TTLL1: variants seen among roughly 807,000 people sequenced by gnomAD.
The protein encoded by TTLL1 is polyglutamylase complex subunit TTLL1.
In TTLL1, 33 loss-of-function variants were observed where a neutral mutation model predicts 47.8. That is an observed-to-expected ratio of 0.69 (90% CI 0.52 to 0.92). The LOEUF (loss-of-function observed/expected upper bound fraction) is 0.92, where lower values mean the gene tolerates loss of function less well. Among genes scored for constraint, TTLL1 ranks in the 40% least tolerant of loss-of-function variants. The probability of loss-of-function intolerance (pLI) is 0.00; values close to 1 mark genes in which losing one functional copy is unlikely to be tolerated. For missense variants in TTLL1, 488 were observed against 547.5 expected (o/e 0.89, Z 1.08); for synonymous variants, 225 against 214.1 (o/e 1.05, Z -0.45).
At chr22:43,057,412 T>C (rs1173465921) in intron 8 of TTLL1, among the ~76,000 whole-genome samples, 1 of 151,990 alleles carries the variant, frequency 6.6e-6, no homozygotes, top group East Asian at 1.9e-4. Context: ...GCCCGGCCAA[T>C]TTCATACATT....
intron 10 of TTLL1, 27 bp downstream of exon 10, chr22:43,046,382 AC>A: frequency 6.2e-7 from 1 of 1,610,514 alleles, no homozygotes; most frequent in Non-Finnish European, 8.5e-7. Flanking sequence ...ACACAGAAGG[AC>A]AAGCGCACAG....
intron 7 of TTLL1, among the ~76,000 whole-genome samples, chr22:43,061,868 T>A (rs1343590403): frequency 6.6e-6 from 1 of 152,198 alleles, no homozygotes; most frequent in Admixed American, 6.5e-5. Context: ...GCTTCAGATC[T>A]CGGCTCCAGC....
chr22:43,077,717 C>T (rs536487971), intron 2 of TTLL1, among the ~76,000 whole-genome samples: 8 of 152,278 alleles, frequency 5.3e-5, no homozygotes, highest in East Asian at 1.9e-4. Flanking sequence ...GCTCCCACCC[C>T]GGCTCCAACC....
intron 4 of TTLL1, 23 bp downstream of exon 4, chr22:43,069,613 G>A (rs777205332): frequency 3.7e-6 from 6 of 1,613,644 alleles, no homozygotes; most frequent in Non-Finnish European, 4.2e-6. Context: ...CTGAAAACAT[G>A]AGCCGGTGGA....
chr22:43,076,579 G>T (rs919524774), intron 2 of TTLL1, among the ~76,000 whole-genome samples: 13 of 151,510 alleles, frequency 8.6e-5, no homozygotes, highest in Admixed American at 7.9e-4. Flanking sequence ...GTGAAACCCT[G>T]TCTCTACTAA....
chr22:43,072,516 G>C (rs1361564436), intron 3 of TTLL1, among the ~76,000 whole-genome samples: 2 of 152,084 alleles, frequency 1.3e-5, no homozygotes, highest in Non-Finnish European at 2.9e-5. Flanking sequence ...CTGTTGCCCA[G>C]GCTGGAGTGC....
intron 1 of TTLL1, among the ~76,000 whole-genome samples, chr22:43,082,335 A>C (rs1266634819): frequency 6.6e-6 from 1 of 152,116 alleles, no homozygotes; most frequent in Non-Finnish European, 1.5e-5. Context: ...AGCCCAGTCA[A>C]GACAGCTACA....
intron 2 of TTLL1, among the ~76,000 whole-genome samples, chr22:43,077,969 G>A (rs185889934): frequency 1.0e-3 from 152 of 152,082 alleles, no homozygotes; most frequent in South Asian, 1.9e-3. Context: ...TTAGCTGGGC[G>A]TGGTGGCATG....
intron 2 of TTLL1, among the ~76,000 whole-genome samples, chr22:43,079,638 C>T (rs558445597): frequency 6.6e-6 from 1 of 152,192 alleles, no homozygotes; most frequent in Non-Finnish European, 1.5e-5. Context: ...CTGACATCTA[C>T]CTGGAGGTGA....
intron 1 of TTLL1, among the ~76,000 whole-genome samples, chr22:43,088,059 A>G (rs929594954): frequency 2.0e-5 from 3 of 146,714 alleles, no homozygotes; most frequent in Non-Finnish European, 4.5e-5. Flanking sequence ...GAGGCAGGAG[A>G]ATCGCTTGAA....
chr22:43,049,376 A>T (rs1415135348), intron 9 of TTLL1, among the ~76,000 whole-genome samples: 12 of 152,020 alleles, frequency 7.9e-5, no homozygotes, highest in Non-Finnish European at 1.5e-5. Context: ...ATACAAAATT[A>T]GCCAGGAGTG....
intron 10 of TTLL1, among the ~76,000 whole-genome samples, chr22:43,042,853 G>A (rs2146955711): frequency 6.6e-6 from 1 of 152,236 alleles, no homozygotes; most frequent in African/African-American, 2.4e-5. Context: ...CAGGAGCCAG[G>A]AGAGGACGGC....
At position 43,052,013 on chromosome 22, in the gene TTLL1, C is replaced by A. The variant is rs1926668066; in HGVS notation, c.892-126G>T. 3 of 802,916 alleles carry A rather than the reference C, an allele frequency of 3.7e-6. No homozygotes were observed. In the East Asian group the frequency reaches 7.4e-5, roughly 20 times the overall value. 49.7% of individuals were successfully genotyped at this position (802,916 alleles called of 1,614,324 possible). A position where few individuals can be genotyped will look rare whatever the true frequency, so the allele number is the denominator to read the frequency against. ...CCACAGCACAGGTTCCCACCCTCCA[C>A]CACAAACGCTTCCTTCCCTCCTCTC... On this transcript the variant is annotated intron_variant, in intron 8 of 10. Transcript: ENST00000266254.
At chr22:43,074,265 T>G (rs1928331627) in intron 3 of TTLL1, among the ~76,000 whole-genome samples, 1 of 150,876 alleles carries the variant, frequency 6.6e-6, no homozygotes, top group African/African-American at 2.4e-5. Context: ...CCGTCTCTAC[T>G]AAAAATACAA....
Position 43,068,329 on chromosome 22 carries a change from C to T in TTLL1, c.503+81G>A, listed in dbSNP as rs184620039. On this transcript the variant is annotated intron_variant, in intron 5 of 10. Coordinates refer to ENST00000266254, the MANE Select transcript of TTLL1 (RefSeq NM_012263.5). Reference sequence around the variant, plus strand: ...GAGACTCTGTCAAAAAAAAACCAAACAAAAACCCACAAAGACTGCGAACAG... The same window carrying T: ...GAGACTCTGTCAAAAAAAAACCAAATAAAAACCCACAAAGACTGCGAACAG... 8.7e-3 allele frequency: 11,218 copies of T among 1,287,904 alleles called. 57 individuals are homozygous for T. Among genetic ancestry groups the T allele is most frequent in the Non-Finnish European group, 9.9e-3 (9,717 of 978,110 alleles). 79.8% of individuals were successfully genotyped at this position (1,287,904 alleles called of 1,614,324 possible).
chr22:43,067,785 A>T (rs1276570080), intron 5 of TTLL1, among the ~76,000 whole-genome samples: 3 of 151,738 alleles, frequency 2.0e-5, no homozygotes, highest in Non-Finnish European at 4.4e-5. Flanking sequence ...CAGCCTGGCT[A>T]ACAGGGCAAA....
At chr22:43,047,857 T>C (rs1011232042) in intron 9 of TTLL1, among the ~76,000 whole-genome samples, 2 of 152,136 alleles carry the variant, frequency 1.3e-5, no homozygotes, top group Non-Finnish European at 2.9e-5. Flanking sequence ...GGGAGCAAAT[T>C]TGTAAGCTGT....
chr22:43,077,653 G>A (rs763118498), intron 2 of TTLL1, among the ~76,000 whole-genome samples: 4 of 152,212 alleles, frequency 2.6e-5, no homozygotes, highest in East Asian at 3.9e-4. Context: ...TCTGGACCTC[G>A]GTCTGCTCTG....
At position 43,074,696 on chromosome 22, in the gene TTLL1, T is replaced by C. The variant is rs112662429; in HGVS notation, c.113+778A>G. ...CCTCTGAAATAAATAAATAAATAAA[T>C]AAACAGCAGCTTTATGACCAAAAAA... is the stretch of plus-strand genomic sequence containing the variant. On this transcript the variant is annotated intron_variant, in intron 3 of 10. Coordinates refer to ENST00000266254, the MANE Select transcript of TTLL1 (RefSeq NM_012263.5). 6.2e-3 allele frequency among the ~76,000 whole-genome samples: 937 copies of C among 151,356 alleles called. 10 individuals carry two copies. The highest frequency in any genetic ancestry group is 0.021 in the African/African-American group (886 of 41,220).
Sources: allele counts gnomAD v4.1 joint callset (sites outside exome capture counted in the v4.1 genomes callset), GRCh38; gene constraint gnomAD v4.1.1; transcripts MANE v1.5; gene names NCBI Gene and HGNC (gene_info 2026-07-23, HGNC 2026-07-21).